GRM6: variants seen among roughly 807,000 people sequenced by gnomAD.
The protein encoded by GRM6 is metabotropic glutamate receptor 6.
In GRM6, 73 loss-of-function variants were observed where a neutral mutation model predicts 78.4. The ratio of observed to expected loss-of-function variants is 0.93; its 90% CI spans 0.77 to 1.13. GRM6 has a LOEUF of 1.13. GRM6 is among the 50% of genes most tolerant of loss of function. GRM6 has a pLI of 0.00. For missense variants in GRM6, 1,251 were observed against 1,256.4 expected, an observed-to-expected ratio of 1.00 and a Z score of 0.07; for synonymous variants, 580 against 555.0, an observed-to-expected ratio of 1.05 and a Z score of -0.63.
chr5:178,985,673 A>G (rs184705748), intron 9 of GRM6: 15 of 402,024 alleles, frequency 3.7e-5, no homozygotes, highest in East Asian at 7.6e-5. Flanking sequence ...ACTGCACTCC[A>G]GCCTGGGCGA....
In GRM6 at chr5:178,992,182, G is replaced by C. The variant is rs1373842239; in HGVS notation, c.505-99C>G. ...AGGACACGGACGGGGCACAGAAGGTGTGTGGCATGGACCTGGGACACAGAT... is the reference window on the plus strand; with the variant it reads ...AGGACACGGACGGGGCACAGAAGGTCTGTGGCATGGACCTGGGACACAGAT... On this transcript the variant is annotated intron_variant, in intron 2 of 10. Transcript: ENST00000517717. This position sits in a 1 kb window ranked among gnomAD's most constrained non-coding sequence, Gnocchi z 4.9. 2 of 807,546 alleles carry C rather than the reference G, an allele frequency of 2.5e-6. No homozygotes were observed. The highest frequency in any genetic ancestry group is 5.3e-5 in the East Asian group (2 of 37,934). 50.0% of individuals were successfully genotyped at this position (807,546 alleles called of 1,614,324 possible). A position where few individuals can be genotyped will look rare whatever the true frequency, so the allele number is the denominator to read the frequency against.
rs1760428907 is a variant in GRM6 at position 178,982,950 on chromosome 5, A to G, written c.2396T>C (p.Phe799Ser). 1 of 1,614,206 alleles carries G rather than the reference A, an allele frequency of 6.2e-7. No homozygotes were observed. ...MYTTCIIWLA[F>S]VPIFFGTAQS... is the part of the protein sequence containing the mutation. ...GGCAGTGCCAAAGAAGATGGGCACG[A>G]ATGCCAGCCAGATGATGCAGGTGGT... The change falls in exon 10 of 11, where the codon TTC becomes TCC. Residue 799 changes from phenylalanine (F) to serine (S), a missense_variant. Coordinates refer to ENST00000517717, the MANE Select transcript of GRM6 (RefSeq NM_000843.4).
chr5:178,993,825 C>T lies in GRM6; in HGVS notation c.504+616G>A, dbSNP rs144743951. ...AGAGCAGGGCCAGCCCGGGCACCTG[C>T]GCAGGGCAGGGTGCAGGAGACCAGA... is the stretch of plus-strand genomic sequence containing the variant. On this transcript the variant is annotated intron_variant, in intron 2 of 10. Coordinates refer to ENST00000517717, the MANE Select transcript of GRM6 (RefSeq NM_000843.4). Among the ~76,000 whole-genome samples the T allele has an allele frequency of 9.2e-3, 1,407 of 152,296 alleles. 29 individuals carry two copies. The highest frequency in any genetic ancestry group is 0.032 in the African/African-American group (1,324 of 41,568).
At position 178,982,140 on chromosome 5, in the gene GRM6, A is replaced by T. The variant is rs571315792; in HGVS notation, c.2437-286T>A. On this transcript the variant is annotated intron_variant, in intron 10 of 10. Transcript: ENST00000517717. ...ATGTCAGTGAATGAGCACGTTTCAA[A>T]TACATACAAATGAATAAATGGGCAG... 3.9e-5 allele frequency among the ~76,000 whole-genome samples: 6 copies of T among 152,356 alleles called. No homozygotes were observed. The South Asian group carries it at 1.2e-3, about 32-fold the overall frequency.
chr5:178,985,128 C>T (rs2113321449), intron 9 of GRM6: 1 of 333,010 alleles, frequency 3.0e-6, no homozygotes, highest in East Asian at 1.0e-4. Context: ...CCCTGTGCCT[C>T]TCATCCACAC....
At position 178,988,416 on chromosome 5, in the gene GRM6, C is replaced by G. The variant is rs1196081526; in HGVS notation, c.1354+519G>C. ...AGTGATTGAACAGAAAGTCATCTCT[C>G]CACAAACCGTGGACAGAGCTTGAGT... On this transcript the variant is annotated intron_variant, in intron 7 of 10. Transcript: ENST00000517717. This position sits in a 1 kb window ranked among gnomAD's most constrained non-coding sequence, Gnocchi z 6.0. 6.6e-6 allele frequency among the ~76,000 whole-genome samples: 1 copy of G among 152,018 alleles called. No individual in the cohort carries two copies. The highest frequency in any genetic ancestry group is 1.5e-5 in the Non-Finnish European group (1 of 67,990).
At position 178,987,178 on chromosome 5, in the gene GRM6, C is replaced by T. The variant is rs193034137; in HGVS notation, c.1355-195G>A. 1.3e-3 allele frequency: 944 copies of T among 704,842 alleles called. 8 individuals carry two copies. The African/African-American group carries it at 0.014, about 10-fold the overall frequency. The allele number at this position is 704,842 out of a possible 1,614,324, so 43.7% of individuals were successfully genotyped here. ...CTTCTAGCCAAGAACCAGAAAATAA[C>T]GAGTGTTGTGAGCGTGTGGAGAAGT... On this transcript the variant is annotated intron_variant, in intron 7 of 10. Transcript: ENST00000517717.
In GRM6 at chr5:178,983,090, G is replaced by A. The variant is rs376987111; in HGVS notation, c.2256C>T (p.Ile752=). The part of the protein sequence containing the change: ...LKCDMSDLSL[I]GCLGYSLLLM... Reference sequence around the variant, plus strand: ...GCAGGAGGCTGTAGCCCAGGCAGCCGATGAGAGACAGATCCGACATGTCGC... The same window carrying A: ...GCAGGAGGCTGTAGCCCAGGCAGCCAATGAGAGACAGATCCGACATGTCGC... Residue 752 remains isoleucine (I), a synonymous_variant, in exon 10 of 11, where the codon ATC becomes ATT. Coordinates refer to ENST00000517717, the MANE Select transcript of GRM6 (RefSeq NM_000843.4). 8.7e-6 allele frequency: 14 copies of A among 1,614,152 alleles called. No individual in the cohort carries two copies. The highest frequency in any genetic ancestry group is 1.1e-5 in the South Asian group (1 of 91,086).
intron 5 of GRM6, 51 bp downstream of exon 5, chr5:178,990,541 G>A (rs112569815): frequency 6.9e-7 from 1 of 1,447,810 alleles, no homozygotes; most frequent in African/African-American, 1.4e-5. Flanking sequence ...TCCCCAAGAG[G>A]GGGTGCTGGG....
intron 7 of GRM6, among the ~76,000 whole-genome samples, chr5:178,987,900 T>C (rs2856362): frequency 0.95 from 136,614 of 144,500 alleles, 65,146 homozygotes; most frequent in East Asian, 1. Context: ...GCTGGGATTA[T>C]AGGCACCCGT....
At chr5:178,993,224 G>A (rs544606445) in intron 2 of GRM6, among the ~76,000 whole-genome samples, 1 of 152,316 alleles carries the variant, frequency 6.6e-6, no homozygotes, top group Non-Finnish European at 1.5e-5. Context: ...TCTGGGCTGA[G>A]CTGGCAGCAG....
rs780597433 is a variant in GRM6 at position 178,981,873 on chromosome 5, G to A, written c.2437-19C>T. ...TGTAGATCTAGGCCATGGAAGAGGG[G>A]ACCAGATGGGACTCAGCCCTGCTCT... On this transcript the variant is annotated intron_variant, in intron 10 of 10. Transcript: ENST00000517717. This position sits in a 1 kb window ranked among gnomAD's most constrained non-coding sequence, Gnocchi z 5.1. The A allele has an allele frequency of 2.7e-6, 4 of 1,471,404 alleles. No homozygotes were observed. Among genetic ancestry groups the A allele is most frequent in the Non-Finnish European group, 3.8e-6 (4 of 1,050,304 alleles). 91.1% of individuals were successfully genotyped at this position (1,471,404 alleles called of 1,614,324 possible).
chr5:178,992,437 T>A lies in GRM6; in HGVS notation c.505-354A>T, dbSNP rs748235903. The A allele has an allele frequency of 7.3e-6, 3 of 412,656 alleles. No homozygotes were observed. The highest frequency in any genetic ancestry group is 1.4e-5 in the Non-Finnish European group (3 of 210,254). The allele number at this position is 412,656 out of a possible 1,614,324, so 25.6% of individuals were successfully genotyped here. The stretch of plus-strand genomic sequence containing the variant: ...TGCAGCCCATCCAGCTGCATCTGCC[T>A]GTCCTAGTCAGGCCCAGGGCAAAGC... On this transcript the variant is annotated intron_variant, in intron 2 of 10. Coordinates refer to ENST00000517717, the MANE Select transcript of GRM6 (RefSeq NM_000843.4). The surrounding 1 kb of genome is among the most constrained non-coding windows in gnomAD (Gnocchi z 4.9).
At chr5:178,990,889 T>C (rs1012785798) in intron 4 of GRM6, 143 bp from the exon 5 acceptor site, 1 of 703,326 alleles carries the variant, frequency 1.4e-6, no homozygotes, top group Admixed American at 2.8e-5. Flanking sequence ...GCCGGGGGCA[T>C]TTAGGGCACC....
At chr5:178,985,559 C>T (rs368636782) in intron 9 of GRM6, 4,299 of 337,068 alleles carry the variant, frequency 0.013, 37 homozygotes, top group African/African-American at 0.026. Flanking sequence ...AAAAATTAGC[C>T]GGGCGTGGTG....
rs149519053 is a variant in GRM6 at position 178,986,883 on chromosome 5, G to A, written c.1455C>T (p.Gly485=). The A allele has an allele frequency of 3.7e-4, 593 of 1,614,110 alleles. No individual in the cohort carries two copies. Among genetic ancestry groups the A allele is most frequent in the South Asian group, 1.2e-3 (111 of 91,080 alleles). Residue 485 remains glycine (G), a synonymous_variant, in exon 8 of 11, where the codon GGC becomes GGT. Coordinates refer to ENST00000517717, the MANE Select transcript of GRM6 (RefSeq NM_000843.4). ...CCCACTGGCCCACTGCCTGGTACCC[G>A]CCACTGCTGGCACTGCCATTGGTCG... is the stretch of plus-strand genomic sequence containing the variant. ...YQATNGSASS[G]GYQAVGQWAE... is the part of the protein sequence containing the mutation.
chr5:178,981,006 TCCCGGGG>T lies in GRM6; in HGVS notation c.*644_*650del, dbSNP rs530572766. 4.5e-4 allele frequency: 69 copies of T among 154,002 alleles called. No individual in the cohort carries two copies. Among genetic ancestry groups the T allele is most frequent in the African/African-American group, 1.5e-3 (64 of 41,518 alleles). 9.5% of individuals were successfully genotyped at this position (154,002 alleles called of 1,614,324 possible). The stretch of plus-strand genomic sequence containing the variant: ...GTACTCTAAGTCTGACCTTGCCCAA[TCCCGGGG>T]GGATGGGGGAAAGCCCATGGCATTG... On this transcript the variant is annotated 3_prime_UTR_variant, in exon 11 of 11. Transcript: ENST00000517717. This position sits in a 1 kb window ranked among gnomAD's most constrained non-coding sequence, Gnocchi z 5.1.
intron 10 of GRM6, 173 bp downstream of exon 10, chr5:178,982,737 G>T (rs1030172428): frequency 1.8e-5 from 11 of 621,716 alleles, no homozygotes; most frequent in Non-Finnish European, 3.2e-5. Flanking sequence ...AAGAAGAGGG[G>T]TTAGAAGCTT....
In GRM6 at chr5:178,990,660, G is replaced by A. The variant is rs2113340426; in HGVS notation, c.944C>T (p.Pro315Leu). The A allele has an allele frequency of 2.5e-6, 4 of 1,610,930 alleles. No individual in the cohort carries two copies. The highest frequency in any genetic ancestry group is 1.1e-5 in the South Asian group (1 of 90,378). The stretch of plus-strand genomic sequence containing the variant: ...GGCCACGTCCTCCAGGCTCAAGATG[G>A]GTGAGGTCTTGGCTCCCCAGCTGTC... ...GSDSWGAKTS[P>L]ILSLEDVAVG... The change falls in exon 5 of 11, where the codon CCC becomes CTC. Residue 315 changes from proline (P) to leucine (L), a missense_variant. Transcript: ENST00000517717.
Sources: gnomAD v4.1 joint callset for allele counts (sites outside exome capture counted in the v4.1 genomes callset) on GRCh38, gnomAD v4.1.1 for gene constraint, Gnocchi (gnomAD v3.1) non-coding constraint, MANE v1.5 for transcripts, NCBI Gene and HGNC (gene_info 2026-07-23, HGNC 2026-07-21) for gene names.